INPP4B: variants seen among roughly 807,000 people sequenced by gnomAD.
INPP4B encodes the protein inositol polyphosphate 4-phosphatase type II.
Under a neutral mutation model 122.5 loss-of-function variants are expected in INPP4B, and 55 were observed. The observed-to-expected ratio is 0.45, with a 90% CI of 0.36 to 0.56. The LOEUF is 0.56. Among genes scored for constraint, INPP4B ranks in the 20% least tolerant of loss-of-function variants. The pLI, the probability that INPP4B is intolerant of heterozygous loss-of-function variation, is 0.00. For missense variants in INPP4B, 1,000 were observed against 1,097.7 expected (o/e 0.91, Z 1.26); for synonymous variants, 403 against 388.7 (o/e 1.04, Z -0.43).
At chr4:142,093,594 T>A (rs1303750452) in intron 23 of INPP4B, among the ~76,000 whole-genome samples, 8 of 152,164 alleles carry the variant, frequency 5.3e-5, no homozygotes, top group Non-Finnish European at 1.2e-4. Context: ...TCTAAAATAA[T>A]TATAGTTAAC....
intron 3 of INPP4B, among the ~76,000 whole-genome samples, chr4:142,456,076 G>A (rs745734200): frequency 6.6e-6 from 1 of 151,800 alleles, no homozygotes; most frequent in Non-Finnish European, 1.5e-5. Context: ...TGGGCAGTAT[G>A]CAAATATTTT....
chr4:142,442,425 A>AAAG (rs1812013472), intron 3 of INPP4B, among the ~76,000 whole-genome samples: 1 of 151,184 alleles, frequency 6.6e-6, no homozygotes, highest in Non-Finnish European at 1.5e-5. Flanking sequence ...AAAAAAAAAA[A>AAAG]AAAAAGAGAG....
At chr4:142,497,914 G>A (rs918451063) in intron 2 of INPP4B, among the ~76,000 whole-genome samples, 1 of 152,042 alleles carries the variant, frequency 6.6e-6, no homozygotes. Context: ...TGAAGTAGAT[G>A]ACTACCTGGA....
At chr4:142,044,985 T>G (rs908797371) in intron 25 of INPP4B, among the ~76,000 whole-genome samples, 2 of 152,098 alleles carry the variant, frequency 1.3e-5, no homozygotes, top group Admixed American at 6.5e-5. Flanking sequence ...TGTGACACAA[T>G]CAGAAATTTT....
chr4:142,427,225 T>G (rs1332296132), intron 5 of INPP4B: 2 of 256,100 alleles, frequency 7.8e-6, no homozygotes, highest in Non-Finnish European at 1.4e-5. Context: ...CTAAGGAACC[T>G]AACAGTTTGG....
intron 12 of INPP4B, among the ~76,000 whole-genome samples, chr4:142,234,682 G>C (rs140977503): frequency 1.2e-4 from 18 of 152,328 alleles, no homozygotes; most frequent in African/African-American, 4.3e-4. Context: ...ATAGACCCTG[G>C]TGAATTTTTG....
chr4:142,501,587 C>T lies in INPP4B; in HGVS notation c.-190-38861G>A, dbSNP rs180916309. On this transcript the variant is annotated intron_variant, in intron 2 of 25. Transcript: ENST00000262992. ...AAATAAAAGATTTGAAAAATAAATA[C>T]AATGTATCTAATATCCAAATAAGAG... Among the ~76,000 whole-genome samples the T allele has an allele frequency of 3.7e-3, 555 of 151,720 alleles. 4 individuals carry two copies. Among genetic ancestry groups the T allele is most frequent in the African/African-American group, 0.013 (525 of 41,392 alleles).
chr4:142,429,115 T>G, intron 5 of INPP4B, 58 bp downstream of exon 5: 1 of 941,322 alleles, frequency 1.1e-6, no homozygotes, highest in Non-Finnish European at 1.7e-6. Context: ...ACCTATACTT[T>G]GCAAACTACT....
intron 15 of INPP4B, among the ~76,000 whole-genome samples, chr4:142,180,029 G>A (rs1458508652): frequency 6.6e-6 from 1 of 152,044 alleles, no homozygotes; most frequent in African/African-American, 2.4e-5. Context: ...TCAAAGTACA[G>A]AGTAAGAAAG....
chr4:142,116,857 A>G (rs1793797746), intron 21 of INPP4B, among the ~76,000 whole-genome samples: 1 of 152,214 alleles, frequency 6.6e-6, no homozygotes, highest in South Asian at 2.1e-4. Context: ...CGTTCAAAAA[A>G]AGCAATGAAT....
At chr4:142,357,656 A>C (rs1292260243) in intron 7 of INPP4B, among the ~76,000 whole-genome samples, 1 of 151,076 alleles carries the variant, frequency 6.6e-6, no homozygotes, top group Non-Finnish European at 1.5e-5. Flanking sequence ...GTACTGAATA[A>C]GATGGGTATT....
chr4:142,718,369 C>A (rs1764076836), intron 2 of INPP4B, among the ~76,000 whole-genome samples: 1 of 152,160 alleles, frequency 6.6e-6, no homozygotes. Flanking sequence ...ATTCAAAATA[C>A]CTCATGAGCA....
chr4:142,172,224 T>C (rs72720404), intron 16 of INPP4B, among the ~76,000 whole-genome samples: 12,789 of 152,002 alleles, frequency 0.084, 737 homozygotes, highest in Middle Eastern at 0.16. Context: ...AAAAAGAACT[T>C]CCATTCTGGA....
At chr4:142,049,683 A>G (rs1753438791) in intron 25 of INPP4B, among the ~76,000 whole-genome samples, 1 of 151,946 alleles carries the variant, frequency 6.6e-6, no homozygotes, top group African/African-American at 2.4e-5. Flanking sequence ...TATGTTGTGT[A>G]TGTCAAATTC....
chr4:142,831,500 G>A (rs764319230), intron 1 of INPP4B, among the ~76,000 whole-genome samples: 12 of 152,136 alleles, frequency 7.9e-5, no homozygotes, highest in Admixed American at 1.3e-4. Context: ...AGAAGATCTG[G>A]TAATTTCTCT....
chr4:142,377,505 A>G (rs1792387144), intron 7 of INPP4B, among the ~76,000 whole-genome samples: 1 of 152,038 alleles, frequency 6.6e-6, no homozygotes, highest in South Asian at 2.1e-4. Flanking sequence ...TCAAATAAGT[A>G]TGATTTCGAA....
intron 18 of INPP4B, among the ~76,000 whole-genome samples, chr4:142,143,147 T>A (rs1175010500): frequency 1.3e-5 from 2 of 151,974 alleles, no homozygotes; most frequent in African/African-American, 4.8e-5. Flanking sequence ...CACTCCTTGG[T>A]TTTTTACTAA....
chr4:142,243,867 A>G (rs1421512501), intron 11 of INPP4B, among the ~76,000 whole-genome samples: 1 of 86,246 alleles, frequency 1.2e-5, no homozygotes. Context: ...AAGTCAATTA[A>G]AATCTATGGT....
chr4:142,452,568 T>A (rs929496472), intron 3 of INPP4B, among the ~76,000 whole-genome samples: 1 of 152,152 alleles, frequency 6.6e-6, no homozygotes, highest in African/African-American at 2.4e-5. Context: ...CTGGTAGTCA[T>A]CTCCTTTAAG....
Sources: allele counts gnomAD v4.1 joint callset (sites outside exome capture counted in the v4.1 genomes callset), GRCh38; gene constraint gnomAD v4.1.1; transcripts MANE v1.5; gene names NCBI Gene and HGNC (gene_info 2026-07-23, HGNC 2026-07-21).